The following BSN variants were observed in gnomAD, a reference collection of about 807,000 sequenced individuals.
BSN encodes the protein protein bassoon.
In BSN, 57 loss-of-function variants were observed where a neutral mutation model predicts 264.8. The observed-to-expected ratio is 0.22, with a 90% CI of 0.17 to 0.27. The LOEUF (loss-of-function observed/expected upper bound fraction) is 0.27. Among genes scored for constraint, BSN ranks in the 10% least tolerant of loss-of-function variants. The pLI is 1.00. For synonymous variants in BSN, 2,059 were observed against 2,137.3 expected (o/e 0.96, Z 1.01); for missense variants, 4,615 against 5,232.5 (o/e 0.88, Z 3.64).
intron 1 of BSN, among the ~76,000 whole-genome samples, chr3:49,577,114 AC>A (rs2051850537): frequency 6.6e-6 from 1 of 152,224 alleles, no homozygotes; most frequent in African/African-American, 2.4e-5. Context: ...AGCACCTGTT[AC>A]ATGCCAAACA....
intron 1 of BSN, among the ~76,000 whole-genome samples, chr3:49,560,357 A>G (rs1048663825): frequency 1.3e-5 from 2 of 152,214 alleles, no homozygotes; most frequent in African/African-American, 4.8e-5. Context: ...CTGTAATAGC[A>G]GTTATGACTA....
intron 1 of BSN, among the ~76,000 whole-genome samples, chr3:49,569,968 T>C (rs1360642421): frequency 6.6e-6 from 1 of 152,152 alleles, no homozygotes; most frequent in Middle Eastern, 3.2e-3. Context: ...GGGCTGCTGC[T>C]CTGGGGTTGT....
In BSN at chr3:49,661,000, A is replaced by G; in HGVS notation, c.9155A>G (p.Gln3052Arg). Residue 3052 changes from glutamine to arginine, a missense_variant, in exon 6 of 12, where the codon CAG (glutamine) becomes CGG (arginine). Physicochemically the swap from Gln to Arg is conservative, Grantham distance 43 (BLOSUM62 1). Around this residue, in one of 3 missense-constraint regions of BSN, gnomAD observed 3,415 missense variants for 3,866.4 expected, o/e 0.88. Coordinates refer to ENST00000296452, the MANE Select transcript of BSN (RefSeq NM_003458.4). This position sits in a 1 kb window ranked among gnomAD's most constrained non-coding sequence, Gnocchi z 7.1. Reference protein sequence around the residue: ...PATPSGPTAFQQPRFQPPAPQ... With the variant: ...PATPSGPTAFRQPRFQPPAPQ... ...ACCCCCTCTGGTCCCACTGCCTTCC[A>G]GCAGCCCCGCTTCCAGCCTCCAGCC... 1 of 1,611,004 alleles carries G rather than the reference A, an allele frequency of 6.2e-7. No individual in the cohort carries two copies. Among genetic ancestry groups the G allele is most frequent in the Non-Finnish European group, 8.5e-7 (1 of 1,179,832 alleles).
In BSN at chr3:49,554,655, C is replaced by CCGGCGG. The variant is rs1334326441; in HGVS notation, c.56_61dup (p.Gly19_Gly20dup). ...GGCGCTGGCGACGGGCCGCTGCCGC[C>CCGGCGG]CGGCGGCGCCGGCCCCGGCCCGGGC... On this transcript the variant is annotated inframe_insertion, in exon 1 of 12. Coordinates refer to ENST00000296452, the MANE Select transcript of BSN (RefSeq NM_003458.4). 30 of 987,290 alleles carry CCGGCGG rather than the reference C, an allele frequency of 3.0e-5. No individual in the cohort carries two copies. Among genetic ancestry groups the CCGGCGG allele is most frequent in the Non-Finnish European group, 3.6e-5 (30 of 832,590 alleles). The allele number at this position is 987,290 out of a possible 1,614,324, so 61.2% of individuals were successfully genotyped here. A position where few individuals can be genotyped will look rare whatever the true frequency, so the allele number is the denominator to read the frequency against.
rs1362178046 is a variant in BSN, at chr3:49,652,802, G to A, written c.3246G>A (p.Arg1082=). 1.2e-5 allele frequency: 18 copies of A among 1,555,652 alleles called. No homozygotes were observed. Among genetic ancestry groups the A allele is most frequent in the Non-Finnish European group, 1.5e-5 (17 of 1,149,620 alleles). ...RKTRRDKEEL[R]AQRRRERSKT... is the part of the protein sequence containing the mutation. ...CCCGGCGGGACAAGGAAGAACTGCG[G>A]GCCCAGCGGAGGCGAGAGCGCTCCA... The change falls in exon 5 of 12, where the codon CGG becomes CGA. Residue 1082 remains arginine (R), a synonymous_variant. Transcript: ENST00000296452.
In BSN at chr3:49,656,774, G is replaced by A. The variant is rs753918578; in HGVS notation, c.7218G>A (p.Glu2406=). ...GTGTGGAGCTGCAGAGGCACCGTGA[G>A]GAGGAGCAGCTGCTGGTGCAGCGGG... ...RERVELQRHR[E]EEQLLVQREL... The change falls in exon 5 of 12, where the codon GAG becomes GAA. Residue 2406 remains glutamate (E), a synonymous_variant. Coordinates refer to ENST00000296452, the MANE Select transcript of BSN (RefSeq NM_003458.4). 4 of 1,583,858 alleles carry A rather than the reference G, an allele frequency of 2.5e-6. No homozygotes were observed. The highest frequency in any genetic ancestry group is 4.6e-5 in the East Asian group (2 of 43,868).
intron 1 of BSN, among the ~76,000 whole-genome samples, chr3:49,608,635 C>G (rs574064305): frequency 1.4e-4 from 21 of 152,234 alleles, no homozygotes; most frequent in Non-Finnish European, 2.8e-4. Context: ...CAAGACCCTC[C>G]TGGCCAACAT....
chr3:49,650,910 A>G lies in BSN; in HGVS notation c.1817A>G (p.Gln606Arg). Reference sequence around the variant, plus strand: ...CCCAGCAAGACCCCAAGCAGTGTCCAGGAAAAGAAGACCCGAGTCCCCACT... The same window carrying G: ...CCCAGCAAGACCCCAAGCAGTGTCCGGGAAAAGAAGACCCGAGTCCCCACT... ...SEPSKTPSSVQEKKTRVPTKA... is the reference protein window; with the variant it reads ...SEPSKTPSSVREKKTRVPTKA... The change falls in exon 4 of 12, where the codon CAG becomes CGG. Residue 606 changes from glutamine (Q) to arginine (R), a missense_variant. Transcript: ENST00000296452. 1 of 1,614,190 alleles carries G rather than the reference A, an allele frequency of 6.2e-7. No homozygotes were observed. Among genetic ancestry groups the G allele is most frequent in the Non-Finnish European group, 8.5e-7 (1 of 1,180,024 alleles).
At position 49,557,727 on chromosome 3, in the gene BSN, AC is replaced by A. The variant is rs2051684716; in HGVS notation, c.224+2903del. On this transcript the variant is annotated intron_variant, in intron 1 of 11. Coordinates refer to ENST00000296452, the MANE Select transcript of BSN (RefSeq NM_003458.4). ...CGAGTAGCTGGGACTGCAGGCGCCCACCACCGCACCCAGCTAATTTTTTGTA... is the reference window on the plus strand; with the variant it reads ...CGAGTAGCTGGGACTGCAGGCGCCCACACCGCACCCAGCTAATTTTTTGTA... Among the ~76,000 whole-genome samples the A allele has an allele frequency of 3.3e-5, 5 of 151,918 alleles. No individual in the cohort carries two copies. The South Asian group carries it at 1.0e-3, about 32-fold the overall frequency.
chr3:49,612,692 A>G (rs1238425383), intron 1 of BSN, among the ~76,000 whole-genome samples: 1 of 152,254 alleles, frequency 6.6e-6, no homozygotes, highest in Non-Finnish European at 1.5e-5. Context: ...CCAGCAATTC[A>G]GACAATAGAA....
downstream of BSN, among the ~76,000 whole-genome samples, chr3:49,672,606 G>A (rs1215476865): frequency 6.6e-6 from 1 of 150,554 alleles, no homozygotes; most frequent in African/African-American, 2.5e-5. Context: ...TCAGCCTCCC[G>A]AGTAGCTGGG....
chr3:49,642,382 G>A lies in BSN; in HGVS notation c.748G>A (p.Ala250Thr). The change falls in exon 3 of 12, where the codon GCC becomes ACC. Residue 250 changes from alanine (A) to threonine (T), a missense_variant. By Grantham distance (58) the Ala-to-Thr change is moderately conservative (BLOSUM62 0). Coordinates refer to ENST00000296452, the MANE Select transcript of BSN (RefSeq NM_003458.4). This position sits in a 1 kb window ranked among gnomAD's most constrained non-coding sequence, Gnocchi z 7.0. ...QQLHSPALSP[A>T]HSPAKQPLGK... The stretch of plus-strand genomic sequence containing the variant: ...GCTGCACTCCCCAGCCCTGTCTCCT[G>A]CCCACTCCCCGGCCAAACAGCCCCT... The A allele has an allele frequency of 6.2e-7, 1 of 1,600,086 alleles. No individual in the cohort carries two copies. The highest frequency in any genetic ancestry group is 1.7e-5 in the Admixed American group (1 of 57,894).
At chr3:49,577,462 C>T (rs1387270701) in intron 1 of BSN, among the ~76,000 whole-genome samples, 3 of 152,094 alleles carry the variant, frequency 2.0e-5, no homozygotes, top group Non-Finnish European at 4.4e-5. Flanking sequence ...GCCAGGAGTT[C>T]CCAGGCCAGG....
At chr3:49,643,634 C>T (rs1381057230) in intron 3 of BSN, among the ~76,000 whole-genome samples, 3 of 152,214 alleles carry the variant, frequency 2.0e-5, no homozygotes, top group Admixed American at 6.5e-5. Context: ...TCCCACTGTC[C>T]AGGCTCCAGC....
chr3:49,615,879 G>A (rs1202072649), intron 1 of BSN, among the ~76,000 whole-genome samples: 2 of 152,164 alleles, frequency 1.3e-5, no homozygotes, highest in African/African-American at 4.8e-5. Context: ...AAGGACTGGC[G>A]ATTAAGAGTG....
rs1248840985 is a variant in BSN at position 49,643,108 on chromosome 3, G to C, written c.1474G>C (p.Val492Leu). 16 of 1,613,092 alleles carry C rather than the reference G, an allele frequency of 9.9e-6. No individual in the cohort carries two copies. The highest frequency in any genetic ancestry group is 5.9e-6 in the Non-Finnish European group (7 of 1,179,476). ...YNTCTTCRLQ[V>L]CNLCGFNPTP... is the part of the protein sequence containing the mutation. ...CACATGCACCACCTGCAGGCTCCAGGTGTGCAACCTGTGTGGCTTCAACCC... is the reference window on the plus strand; with the variant it reads ...CACATGCACCACCTGCAGGCTCCAGCTGTGCAACCTGTGTGGCTTCAACCC... Residue 492 changes from valine to leucine, a missense_variant, in exon 3 of 12, where the codon GTG becomes CTG. Physicochemically the swap from Val to Leu is conservative, Grantham distance 32. Transcript: ENST00000296452.
At chr3:49,562,911 G>A (rs187694921) in intron 1 of BSN, among the ~76,000 whole-genome samples, 5 of 152,286 alleles carry the variant, frequency 3.3e-5, no homozygotes, top group Non-Finnish European at 5.9e-5. Context: ...GGCTATGCAC[G>A]TTGGGTATGT....
chr3:49,627,331 C>T (rs964871305), intron 2 of BSN, among the ~76,000 whole-genome samples: 2 of 152,182 alleles, frequency 1.3e-5, no homozygotes, highest in Non-Finnish European at 2.9e-5. Context: ...TCCAAGTTCA[C>T]ACATGGTGAA....
Position 49,660,948 on chromosome 3 carries a change from T to G in BSN, c.9103T>G (p.Phe3035Val). Residue 3035 changes from phenylalanine to valine, a missense_variant, in exon 6 of 12, where the codon TTC becomes GTC. By Grantham distance (50) the Phe-to-Val change is conservative (BLOSUM62 -1). Coordinates refer to ENST00000296452, the MANE Select transcript of BSN (RefSeq NM_003458.4). The surrounding 1 kb of genome is among the most constrained non-coding windows in gnomAD (Gnocchi z 7.1). The part of the protein sequence containing the change: ...CTTPAGQFVD[F>V]PATAAAPATP... ...CACTCCCGCTGGCCAGTTTGTGGAC[T>G]TCCCTGCCACTGCCGCTGCTCCTGC... is the stretch of plus-strand genomic sequence containing the variant. 6.2e-7 allele frequency: 1 copy of G among 1,611,814 alleles called. No homozygotes were observed. The highest frequency in any genetic ancestry group is 8.5e-7 in the Non-Finnish European group (1 of 1,179,922).
Sources: gnomAD v4.1 joint callset for allele counts (sites outside exome capture counted in the v4.1 genomes callset) on GRCh38, gnomAD v4.1.1 for gene constraint, gnomAD v4.1.1 regional missense constraint, Gnocchi (gnomAD v3.1) non-coding constraint, MANE v1.5 for transcripts, NCBI Gene and HGNC (gene_info 2026-07-23, HGNC 2026-07-21) for gene names.